KLF17: variants seen among roughly 807,000 people sequenced by gnomAD.
KLF17 encodes Krueppel-like factor 17.
Under a neutral mutation model 34.2 loss-of-function variants are expected in KLF17, and 31 were observed. The ratio of observed to expected loss-of-function variants is 0.91; its 90% CI spans 0.68 to 1.22. The LOEUF is 1.22. Among genes scored for constraint, KLF17 ranks in the 50% most tolerant of loss-of-function variants. KLF17 has a pLI of 0.00. For synonymous variants in KLF17, 179 were observed against 186.7 expected, an observed-to-expected ratio of 0.96 and a Z score of 0.34; for missense variants, 478 against 505.2, an observed-to-expected ratio of 0.95 and a Z score of 0.52.
chr1:44,090,154 A>G, the KLF17 span, among the ~76,000 whole-genome samples: 1 of 150,432 alleles, frequency 6.6e-6, no homozygotes, highest in South Asian at 2.1e-4. Flanking sequence ...AGAGAGAGAG[A>G]CAGTATGGCC....
At chr1:44,116,273 T>C (rs1406201073), upstream of KLF17, among the ~76,000 whole-genome samples, 1 of 152,136 alleles carries the variant, frequency 6.6e-6, no homozygotes, top group African/African-American at 2.4e-5. Context: ...CACTCCATAC[T>C]AGTAGTTGGG....
chr1:44,104,245 T>A, the KLF17 span: 1 of 1,309,610 alleles, frequency 7.6e-7, no homozygotes, highest in East Asian at 2.5e-5. Context: ...TCGTACTTGT[T>A]CTTGAAGTCC....
At chr1:44,089,374 A>C in the KLF17 span, among the ~76,000 whole-genome samples, 1 of 152,222 alleles carries the variant, frequency 6.6e-6, no homozygotes, top group Non-Finnish European at 1.5e-5. Flanking sequence ...CAAAGCCTCA[A>C]CCAACCCAGC....
rs2088138325 is a variant in KLF17, at chr1:44,133,731, A to G, written c.*494A>G. On this transcript the variant is annotated 3_prime_UTR_variant, in exon 4 of 4. Coordinates refer to ENST00000372299, the MANE Select transcript of KLF17 (RefSeq NM_173484.4). The stretch of plus-strand genomic sequence containing the variant: ...TGCCTGCCCCTGCCCTCTCACCCCT[A>G]CCCTGACCTTGTCCTACTTCACTGC... 1 of 152,154 alleles carries G rather than the reference A, an allele frequency of 6.6e-6. No homozygotes were observed. The highest frequency in any genetic ancestry group is 6.5e-5 in the Admixed American group (1 of 15,280). The allele number at this position is 152,154 out of a possible 1,614,324, so 9.4% of individuals were successfully genotyped here. A position where few individuals can be genotyped will look rare whatever the true frequency, so the allele number is the denominator to read the frequency against.
the KLF17 span, among the ~76,000 whole-genome samples, chr1:44,063,938 T>G: frequency 6.6e-6 from 1 of 152,168 alleles, no homozygotes; most frequent in African/African-American, 2.4e-5. Flanking sequence ...GATTGAATGC[T>G]GTTAGGAAGC....
At chr1:44,078,592 T>C in the KLF17 span, among the ~76,000 whole-genome samples, 2,268 of 152,164 alleles carry the variant, frequency 0.015, 42 homozygotes, top group Non-Finnish European at 0.023. Context: ...TGCGTGCCAG[T>C]ACGCCCGGCT....
At chr1:44,132,720 CTT>C (rs1185629760) in intron 3 of KLF17, among the ~76,000 whole-genome samples, 2 of 71,548 alleles carry the variant, frequency 2.8e-5, no homozygotes, top group African/African-American at 1.0e-4. Context: ...CTCACTGTAA[CTT>C]CTTCTCCTCC....
In KLF17 at chr1:44,135,048, T is replaced by C. The variant is rs1321648598; in HGVS notation, c.*1811T>C. ...AAAAAAAAGGAAAAAAGAAAAATAA[T>C]AAAAAATAATAAAAATCCTTAGGAT... is the stretch of plus-strand genomic sequence containing the variant. On this transcript the variant is annotated 3_prime_UTR_variant, in exon 4 of 4. Coordinates refer to ENST00000372299, the MANE Select transcript of KLF17 (RefSeq NM_173484.4). The C allele has an allele frequency of 6.6e-6, 1 of 151,886 alleles. No individual in the cohort carries two copies. The highest frequency in any genetic ancestry group is 1.9e-4 in the East Asian group (1 of 5,200). The allele number at this position is 151,886 out of a possible 1,614,324, so 9.4% of individuals were successfully genotyped here. A position where few individuals can be genotyped will look rare whatever the true frequency, so the allele number is the denominator to read the frequency against.
intron 3 of KLF17, among the ~76,000 whole-genome samples, chr1:44,132,434 T>C (rs900946911): frequency 3.9e-5 from 6 of 152,126 alleles, no homozygotes; most frequent in African/African-American, 1.4e-4. Flanking sequence ...GTACCATCAA[T>C]GGGGAGGCCT....
At chr1:44,122,115 A>C in intron 1 of KLF17, 138 of 1,275,984 alleles carry the variant, frequency 1.1e-4, no homozygotes, top group Non-Finnish European at 1.5e-4. Context: ...AAATATCCCA[A>C]ATCCCGTATG....
the KLF17 span, among the ~76,000 whole-genome samples, chr1:44,099,776 C>G: frequency 6.7e-6 from 1 of 149,910 alleles, no homozygotes; most frequent in Admixed American, 6.7e-5. Context: ...GATTGCACCA[C>G]TGGACTCCAG....
intron 1 of KLF17, among the ~76,000 whole-genome samples, chr1:44,126,103 A>G (rs917311201): frequency 2.0e-5 from 3 of 151,978 alleles, no homozygotes; most frequent in Non-Finnish European, 4.4e-5. Context: ...GGCTCACTGC[A>G]AGCTCTGCCT....
the KLF17 span, among the ~76,000 whole-genome samples, chr1:44,072,561 C>T: frequency 6.6e-6 from 1 of 151,220 alleles, no homozygotes; most frequent in South Asian, 2.1e-4. Context: ...AATAGGCCAG[C>T]ATGATGGCAC....
the KLF17 span, among the ~76,000 whole-genome samples, chr1:44,089,461 C>T: frequency 5.3e-5 from 8 of 152,274 alleles, no homozygotes; most frequent in Admixed American, 1.3e-4. Context: ...CTACCAGCTA[C>T]GGATTGCTGG....
At chr1:44,065,913 A>G in the KLF17 span, among the ~76,000 whole-genome samples, 1 of 152,240 alleles carries the variant, frequency 6.6e-6, no homozygotes, top group Non-Finnish European at 1.5e-5. Context: ...CAGAAAAAGA[A>G]ACATGAATGG....
intron 3 of KLF17, among the ~76,000 whole-genome samples, chr1:44,131,040 C>G (rs908393323): frequency 6.6e-6 from 1 of 152,174 alleles, no homozygotes; most frequent in Non-Finnish European, 1.5e-5. Context: ...CATGATCCGC[C>G]CACGCTGGCC....
chr1:44,116,066 G>A (rs600450), upstream of KLF17, among the ~76,000 whole-genome samples: 68,031 of 151,910 alleles, frequency 0.45, 15,495 homozygotes, highest in Middle Eastern at 0.51. Flanking sequence ...GATCTGCTCT[G>A]TGTGTCAAAC....
At chr1:44,087,765 TATATACACAC>T in the KLF17 span, among the ~76,000 whole-genome samples, 312 of 55,336 alleles carry the variant, frequency 5.6e-3, no homozygotes, top group Non-Finnish European at 9.2e-3. Flanking sequence ...TATATATATA[TATATACACAC>T]ACACACACAC....
chr1:44,117,113 C>T (rs1244236405), upstream of KLF17: 1 of 152,076 alleles, frequency 6.6e-6, no homozygotes, highest in Non-Finnish European at 1.5e-5. Flanking sequence ...TGGGATCTCA[C>T]TATGTTGCCA....
Sources: allele counts gnomAD v4.1 joint callset (sites outside exome capture counted in the v4.1 genomes callset), GRCh38; gene constraint gnomAD v4.1.1; transcripts MANE v1.5; gene names NCBI Gene and HGNC (gene_info 2026-07-23, HGNC 2026-07-21).